The following DAAM1 variants were observed in gnomAD, a reference collection of about 807,000 sequenced individuals.
DAAM1 encodes disheveled-associated activator of morphogenesis 1.
Under a neutral mutation model 130.0 loss-of-function variants are expected in DAAM1, and 52 were observed. That is an observed-to-expected ratio of 0.40 (90% CI 0.32 to 0.50). DAAM1 has a LOEUF of 0.50. DAAM1 is among the 20% of genes least tolerant of loss of function. The pLI is 0.61. For synonymous variants in DAAM1, 452 were observed against 444.5 expected (o/e 1.02, Z -0.21); for missense variants, 1,134 against 1,303.8 (o/e 0.87, Z 2.01).
intron 1 of DAAM1, among the ~76,000 whole-genome samples, chr14:59,256,035 A>T (rs1881868470): frequency 6.6e-6 from 1 of 151,478 alleles, no homozygotes; most frequent in Non-Finnish European, 1.5e-5. Flanking sequence ...AAACCTTGGC[A>T]ATTGGATTCC....
chr14:59,336,022 TG>T (rs891588984), intron 15 of DAAM1, among the ~76,000 whole-genome samples: 15 of 151,616 alleles, frequency 9.9e-5, no homozygotes, highest in Admixed American at 4.6e-4. Flanking sequence ...ATAGTGGTGT[TG>T]TTTTTTTTTT....
chr14:59,257,312 C>A (rs1881943089), intron 1 of DAAM1, among the ~76,000 whole-genome samples: 1 of 151,840 alleles, frequency 6.6e-6, no homozygotes, highest in Non-Finnish European at 1.5e-5. Flanking sequence ...ATACTACGTG[C>A]CAGGGATTGA....
chr14:59,219,810 C>A (rs903614856), intron 1 of DAAM1, among the ~76,000 whole-genome samples: 1 of 152,134 alleles, frequency 6.6e-6, no homozygotes, highest in Non-Finnish European at 1.5e-5. Flanking sequence ...ACTGTAGGAT[C>A]CTGCTTGTCT....
At chr14:59,237,088 C>T (rs1889327298) in intron 1 of DAAM1, among the ~76,000 whole-genome samples, 1 of 152,154 alleles carries the variant, frequency 6.6e-6, no homozygotes, top group Admixed American at 6.5e-5. Context: ...CCGCAATTTG[C>T]ACACCCCTAG....
At chr14:59,269,050 A>G (rs1195897578) in intron 2 of DAAM1, among the ~76,000 whole-genome samples, 1 of 152,242 alleles carries the variant, frequency 6.6e-6, no homozygotes, top group East Asian at 1.9e-4. Context: ...CTGATGGTTT[A>G]TTTTGATGTG....
At chr14:59,342,813 C>T (rs1340527369) in intron 16 of DAAM1, among the ~76,000 whole-genome samples, 2 of 152,108 alleles carry the variant, frequency 1.3e-5, no homozygotes, top group South Asian at 2.1e-4. Context: ...AGAAAGTAGG[C>T]CTCAAAGGCA....
intron 1 of DAAM1, among the ~76,000 whole-genome samples, chr14:59,257,746 C>T (rs968272933): frequency 6.6e-6 from 1 of 152,180 alleles, no homozygotes. Flanking sequence ...TCCTAGCACC[C>T]CCACGACTCA....
At chr14:59,281,866 C>T (rs1883237644) in intron 2 of DAAM1, among the ~76,000 whole-genome samples, 1 of 152,046 alleles carries the variant, frequency 6.6e-6, no homozygotes, top group Non-Finnish European at 1.5e-5. Flanking sequence ...AGCAGAGATA[C>T]TTTTGGAATG....
At chr14:59,349,671 CAGAT>C (rs1886213183) in intron 17 of DAAM1, among the ~76,000 whole-genome samples, 1 of 152,222 alleles carries the variant, frequency 6.6e-6, no homozygotes. Context: ...GCTCTGATCT[CAGAT>C]GAGAGAGAGA....
intron 3 of DAAM1, among the ~76,000 whole-genome samples, chr14:59,304,610 T>C (rs1354004926): frequency 6.6e-6 from 1 of 152,220 alleles, no homozygotes; most frequent in Non-Finnish European, 1.5e-5. Flanking sequence ...CATTTTGTTT[T>C]TTCAGTTTCT....
At chr14:59,273,516 A>G (rs1882818837) in intron 2 of DAAM1, among the ~76,000 whole-genome samples, 1 of 152,218 alleles carries the variant, frequency 6.6e-6, no homozygotes, top group Admixed American at 6.5e-5. Flanking sequence ...GGTCCTGATG[A>G]TTTTTATTAA....
intron 23 of DAAM1, among the ~76,000 whole-genome samples, chr14:59,364,329 GTTTT>G (rs968836137): frequency 4.5e-4 from 65 of 144,362 alleles, no homozygotes; most frequent in African/African-American, 1.5e-3. Flanking sequence ...ATTACAAGAG[GTTTT>G]TTTTTTTTTC....
At chr14:59,343,511 T>C (rs1482816378) in intron 16 of DAAM1, among the ~76,000 whole-genome samples, 2 of 152,240 alleles carry the variant, frequency 1.3e-5, no homozygotes, top group East Asian at 3.8e-4. Flanking sequence ...CTATTTCTTA[T>C]CTTGCTGTCT....
chr14:59,257,628 T>C (rs1428005767), intron 1 of DAAM1, among the ~76,000 whole-genome samples: 1 of 152,076 alleles, frequency 6.6e-6, no homozygotes, highest in Non-Finnish European at 1.5e-5. Flanking sequence ...ATGTTTAGGG[T>C]ATTGGGAGAT....
chr14:59,348,381 G>C (rs2139662795), intron 17 of DAAM1, among the ~76,000 whole-genome samples: 1 of 152,314 alleles, frequency 6.6e-6, no homozygotes, highest in Non-Finnish European at 1.5e-5. Flanking sequence ...AAATAACAAT[G>C]TTGTTGATCT....
At chr14:59,327,151 T>C (rs568209894) in intron 12 of DAAM1, among the ~76,000 whole-genome samples, 160 bp downstream of exon 12, 1 of 152,314 alleles carries the variant, frequency 6.6e-6, no homozygotes, top group African/African-American at 2.4e-5. Context: ...GTTTCTTAAA[T>C]TGAGCTATTT....
intron 15 of DAAM1, among the ~76,000 whole-genome samples, chr14:59,336,512 G>A (rs1226356613): frequency 6.6e-6 from 1 of 152,114 alleles, no homozygotes; most frequent in Non-Finnish European, 1.5e-5. Flanking sequence ...TTTCTAACAT[G>A]CCCCTTTGAA....
At chr14:59,299,698 C>T (rs1198745076) in intron 3 of DAAM1, 1 of 152,104 alleles carries the variant, frequency 6.6e-6, no homozygotes, top group South Asian at 2.1e-4. Context: ...TCACTATGCT[C>T]AGCACCAGAA....
chr14:59,298,738 A>G (rs1005216607), intron 3 of DAAM1, among the ~76,000 whole-genome samples: 2 of 152,204 alleles, frequency 1.3e-5, no homozygotes, highest in Admixed American at 1.3e-4. Context: ...GTTTTTGAAT[A>G]TTTATTTGCC....
Sources: gnomAD v4.1 joint callset for allele counts (sites outside exome capture counted in the v4.1 genomes callset) on GRCh38, gnomAD v4.1.1 for gene constraint, MANE v1.5 for transcripts, NCBI Gene and HGNC (gene_info 2026-07-23, HGNC 2026-07-21) for gene names.